The following PSD2 variants were observed in gnomAD, a reference collection of about 807,000 sequenced individuals.
PSD2 encodes PH and SEC7 domain-containing protein 2.
PSD2 carries 38 observed loss-of-function variants against 69.8 expected under a neutral mutation model. The ratio of observed to expected loss-of-function variants is 0.54; its 90% CI spans 0.42 to 0.71. The LOEUF (loss-of-function observed/expected upper bound fraction) is 0.71, where lower values mean the gene tolerates loss of function less well. Among genes scored for constraint, PSD2 ranks in the 30% least tolerant of loss-of-function variants. The pLI is 0.00. For missense variants in PSD2, 943 were observed against 1,014.5 expected (o/e 0.93, Z 0.96); for synonymous variants, 412 against 423.0 (o/e 0.97, Z 0.32).
At chr5:139,802,169 A>G (rs1759689772) in intron 1 of PSD2, among the ~76,000 whole-genome samples, 1 of 148,530 alleles carries the variant, frequency 6.7e-6, no homozygotes, top group Non-Finnish European at 1.5e-5. Flanking sequence ...ACGCTACATA[A>G]CACAGAGATT....
At chr5:139,799,219 C>T (rs568827293) in intron 1 of PSD2, among the ~76,000 whole-genome samples, 5 of 152,320 alleles carry the variant, frequency 3.3e-5, no homozygotes, top group South Asian at 4.1e-4. Flanking sequence ...TGTTCCTCCC[C>T]CTTCCCTACC....
At chr5:139,789,989 G>GGGGCCGGGC in the PSD2 span, among the ~76,000 whole-genome samples, 1 of 150,626 alleles carries the variant, frequency 6.6e-6, no homozygotes, top group Non-Finnish European at 1.5e-5. Context: ...AGAGCAGCAC[G>GGGGCCGGGC]GGGCCGGGCG....
upstream of PSD2, among the ~76,000 whole-genome samples, chr5:139,794,039 G>A (rs151298361): frequency 4.5e-4 from 68 of 152,328 alleles, no homozygotes; most frequent in African/African-American, 1.4e-3. Flanking sequence ...AGAGGGCAGG[G>A]GGGTAGAATG....
chr5:139,766,825 TTCC>T, the PSD2 span, among the ~76,000 whole-genome samples: 1 of 62,198 alleles, frequency 1.6e-5, no homozygotes, highest in Non-Finnish European at 4.1e-5. Context: ...GGCAAGTCCC[TTCC>T]TTCTTTCTTT....
chr5:139,756,266 C>T, the PSD2 span, among the ~76,000 whole-genome samples: 1 of 152,224 alleles, frequency 6.6e-6, no homozygotes, highest in Admixed American at 6.5e-5. Flanking sequence ...CCGCCATTAT[C>T]TGCCTCCGCC....
At chr5:139,838,845 C>T in intron 13 of PSD2, 73 bp downstream of exon 13, 1 of 1,508,392 alleles carries the variant, frequency 6.6e-7, no homozygotes, top group Non-Finnish European at 9.1e-7. Flanking sequence ...CCAGCAGCCC[C>T]ACCCCAGCTC....
chr5:139,835,917 G>A (rs1166289261), intron 9 of PSD2, 151 bp downstream of exon 9: 3 of 731,168 alleles, frequency 4.1e-6, no homozygotes, highest in African/African-American at 1.7e-5. Flanking sequence ...CGCACACCTG[G>A]TGTTGAATTC....
chr5:139,803,905 G>A (rs1759733339), intron 1 of PSD2, among the ~76,000 whole-genome samples: 1 of 152,134 alleles, frequency 6.6e-6, no homozygotes, highest in African/African-American at 2.4e-5. Flanking sequence ...CCCCTTGGTT[G>A]GCAGAGGCTA....
chr5:139,749,900 G>A, the PSD2 span, among the ~76,000 whole-genome samples: 5 of 152,246 alleles, frequency 3.3e-5, no homozygotes, highest in South Asian at 8.3e-4. Context: ...GTATGGTGGT[G>A]TGAGCATATA....
the PSD2 span, among the ~76,000 whole-genome samples, chr5:139,768,680 G>T: frequency 2.3e-4 from 35 of 150,334 alleles, no homozygotes; most frequent in Non-Finnish European, 4.6e-4. Context: ...CCGAGATCAA[G>T]CCATTGCACT....
chr5:139,788,585 T>C, the PSD2 span, among the ~76,000 whole-genome samples: 1 of 152,086 alleles, frequency 6.6e-6, no homozygotes, highest in Non-Finnish European at 1.5e-5. Context: ...CAGCTGGACC[T>C]CCGGAAGCGC....
the PSD2 span, among the ~76,000 whole-genome samples, chr5:139,752,195 C>T: frequency 2.6e-5 from 4 of 152,086 alleles, no homozygotes; most frequent in South Asian, 2.1e-4. Flanking sequence ...CTACTGGTCA[C>T]GTCTCTCTCT....
At chr5:139,796,350 G>T (rs1759527813) in intron 1 of PSD2, among the ~76,000 whole-genome samples, 1 of 152,252 alleles carries the variant, frequency 6.6e-6, no homozygotes, top group Admixed American at 6.5e-5. Context: ...GTACGCGTGT[G>T]CGTGGGGGGT....
chr5:139,842,249 C>A lies in PSD2; in HGVS notation c.2113-22C>A, dbSNP rs375847295. 1.4e-5 allele frequency: 23 copies of A among 1,608,008 alleles called. No homozygotes were observed. The South Asian group carries it at 2.5e-4, about 18-fold the overall frequency. ...TTTTCCTATTTTGTTGTCTTTTGAC[C>A]TTGTGTTTGGCCTTTCCCCAGAAAA... On this transcript the variant is annotated intron_variant, in intron 14 of 14. Transcript: ENST00000274710.
At chr5:139,778,196 G>A in the PSD2 span, among the ~76,000 whole-genome samples, 18 of 152,350 alleles carry the variant, frequency 1.2e-4, no homozygotes, top group Non-Finnish European at 2.2e-4. Flanking sequence ...GACAGTGCAG[G>A]GGGAAATGGG....
chr5:139,816,668 A>G (rs565327756), intron 4 of PSD2, among the ~76,000 whole-genome samples: 13 of 152,234 alleles, frequency 8.5e-5, no homozygotes, highest in Non-Finnish European at 1.5e-4. Flanking sequence ...CTTGAAATAC[A>G]GTCTTCGTTG....
At chr5:139,772,359 C>T in the PSD2 span, among the ~76,000 whole-genome samples, 2 of 152,184 alleles carry the variant, frequency 1.3e-5, no homozygotes, top group African/African-American at 4.8e-5. Context: ...CCGAGCCGAT[C>T]TGTAAAAAGC....
chr5:139,830,999 T>C (rs545696715), intron 7 of PSD2, among the ~76,000 whole-genome samples: 1 of 152,266 alleles, frequency 6.6e-6, no homozygotes, highest in Admixed American at 6.5e-5. Flanking sequence ...TTTTGTCTGC[T>C]TGTTCTTCCT....
At position 139,797,810 on chromosome 5, in the gene PSD2, G is replaced by C. The variant is rs190867955; in HGVS notation, c.-51+1835G>C. Among the ~76,000 whole-genome samples, 4 of 152,280 alleles carry C rather than the reference G, an allele frequency of 2.6e-5. No homozygotes were observed. In the East Asian group the frequency reaches 7.7e-4, roughly 29 times the overall value. ...AGTGGCAGAGTGAGGATTTGCACTTGGCCAGAACTGTCTGATACTCAGACC... is the reference window on the plus strand; with the variant it reads ...AGTGGCAGAGTGAGGATTTGCACTTCGCCAGAACTGTCTGATACTCAGACC... On this transcript the variant is annotated intron_variant, in intron 1 of 14. Coordinates refer to ENST00000274710, the MANE Select transcript of PSD2 (RefSeq NM_032289.4).
Sources: gnomAD v4.1 joint callset for allele counts (sites outside exome capture counted in the v4.1 genomes callset) on GRCh38, gnomAD v4.1.1 for gene constraint, MANE v1.5 for transcripts, NCBI Gene and HGNC (gene_info 2026-07-23, HGNC 2026-07-21) for gene names.